Variants in COL5A2 observed in about 807,000 individuals in gnomAD.
The protein encoded by COL5A2 is collagen type V alpha 2 chain.
A neutral mutation model predicts 208.2 loss-of-function variants in COL5A2; 23 were observed. That is an observed-to-expected ratio of 0.11 (90% CI 0.08 to 0.16). COL5A2 has a LOEUF of 0.16. Among genes scored for constraint, COL5A2 ranks in the 10% least tolerant of loss-of-function variants. COL5A2 has a pLI of 1.00. For synonymous variants in COL5A2, 625 were observed against 628.5 expected, an observed-to-expected ratio of 0.99 and a Z score of 0.08; for missense variants, 1,590 against 1,956.4, an observed-to-expected ratio of 0.81 and a Z score of 3.53.
the COL5A2 span, among the ~76,000 whole-genome samples, chr2:189,269,341 C>T: frequency 6.6e-6 from 1 of 152,148 alleles, no homozygotes; most frequent in South Asian, 2.1e-4. Context: ...ATGCTTCCAG[C>T]TTTTGCCTAT....
chr2:189,438,669 C>A, the COL5A2 span, among the ~76,000 whole-genome samples: 1 of 152,032 alleles, frequency 6.6e-6, no homozygotes, highest in Admixed American at 6.6e-5. Flanking sequence ...GGGGATAGGT[C>A]TTGGGGAGGG....
chr2:189,058,578 G>T lies in COL5A2; in HGVS notation c.2131-51C>A, dbSNP rs368717968. ...AATCTCAATACTTGATCTAAAAATA[G>T]GTCAAAATGTTTCTGAGAAATGGCT... is the stretch of plus-strand genomic sequence containing the variant. On this transcript the variant is annotated intron_variant, in intron 32 of 53. Coordinates refer to ENST00000374866, the MANE Select transcript of COL5A2 (RefSeq NM_000393.5). The T allele has an allele frequency of 3.3e-6, 5 of 1,492,752 alleles. No individual in the cohort carries two copies. The African/African-American group carries it at 5.5e-5, about 16-fold the overall frequency. The allele number at this position is 1,492,752 out of a possible 1,614,324, so 92.5% of individuals were successfully genotyped here. A position where few individuals can be genotyped will look rare whatever the true frequency, so the allele number is the denominator to read the frequency against.
At chr2:189,251,532 A>G in the COL5A2 span, among the ~76,000 whole-genome samples, 228 of 152,106 alleles carry the variant, frequency 1.5e-3, 1 homozygote, top group East Asian at 0.019. Flanking sequence ...ATAGTTCTTT[A>G]TTGTCTACTT....
intron 1 of COL5A2, among the ~76,000 whole-genome samples, chr2:189,129,007 T>C (rs1389950365): frequency 1.3e-5 from 2 of 151,920 alleles, no homozygotes; most frequent in Non-Finnish European, 1.5e-5. Flanking sequence ...CAAATCTCCA[T>C]GGAAAAAAGT....
chr2:189,118,975 T>G (rs1360227973), intron 1 of COL5A2, among the ~76,000 whole-genome samples: 1 of 152,050 alleles, frequency 6.6e-6, no homozygotes, highest in Non-Finnish European at 1.5e-5. Flanking sequence ...TTTCAGAACC[T>G]AAATTCATCT....
At chr2:189,222,023 CT>C (rs985491749) in intron 1 of COL5A2, among the ~76,000 whole-genome samples, 1 of 150,450 alleles carries the variant, frequency 6.6e-6, no homozygotes, top group Admixed American at 6.6e-5. Flanking sequence ...GGCCTGAGGC[CT>C]CAAAAAAAAA....
At chr2:189,071,577 G>C (rs928001720) in intron 18 of COL5A2, among the ~76,000 whole-genome samples, 1 of 152,138 alleles carries the variant, frequency 6.6e-6, no homozygotes, top group Non-Finnish European at 1.5e-5. Flanking sequence ...TTGTGGAGCT[G>C]GGGGAGTGCA....
At chr2:189,140,281 TTTCCAGCAA>T (rs1359403671) in intron 1 of COL5A2, among the ~76,000 whole-genome samples, 1 of 152,144 alleles carries the variant, frequency 6.6e-6, no homozygotes, top group Non-Finnish European at 1.5e-5. Flanking sequence ...AAACTAATAT[TTTCCAGCAA>T]TTGTAAACAG....
At chr2:189,125,711 C>T (rs1457194879) in intron 1 of COL5A2, among the ~76,000 whole-genome samples, 3 of 152,014 alleles carry the variant, frequency 2.0e-5, no homozygotes, top group Non-Finnish European at 4.4e-5. Flanking sequence ...ACATGTTAAT[C>T]ATCTGTTTAT....
the COL5A2 span, among the ~76,000 whole-genome samples, chr2:189,436,348 C>T: frequency 6.6e-6 from 1 of 151,834 alleles, no homozygotes; most frequent in Admixed American, 6.6e-5. Flanking sequence ...GTGAACAGGC[C>T]ACCTACAGAA....
the COL5A2 span, among the ~76,000 whole-genome samples, chr2:189,348,045 GA>G: frequency 5.4e-5 from 8 of 148,034 alleles, no homozygotes; most frequent in African/African-American, 7.4e-5. Flanking sequence ...ATTTAGACCA[GA>G]AAAAAAAAAT....
the COL5A2 span, among the ~76,000 whole-genome samples, chr2:189,246,947 T>C: frequency 6.6e-6 from 1 of 152,290 alleles, no homozygotes; most frequent in East Asian, 1.9e-4. Context: ...ACACTATTGC[T>C]TCTACCCAAA....
At chr2:189,218,941 A>C (rs917806112) in intron 1 of COL5A2, among the ~76,000 whole-genome samples, 5 of 152,176 alleles carry the variant, frequency 3.3e-5, no homozygotes, top group African/African-American at 1.2e-4. Flanking sequence ...TAAAAACCGG[A>C]AGTTACTTCA....
At chr2:189,139,333 T>C (rs1025332471) in intron 1 of COL5A2, among the ~76,000 whole-genome samples, 1 of 152,160 alleles carries the variant, frequency 6.6e-6, no homozygotes, top group Non-Finnish European at 1.5e-5. Flanking sequence ...TAATTCATGT[T>C]GATAGTTGAG....
chr2:189,337,707 C>T, the COL5A2 span, among the ~76,000 whole-genome samples: 1 of 151,402 alleles, frequency 6.6e-6, no homozygotes, highest in African/African-American at 2.4e-5. Context: ...TCTAATATAT[C>T]AAAAACTTGA....
At chr2:189,146,569 G>C (rs1029627230) in intron 1 of COL5A2, among the ~76,000 whole-genome samples, 1 of 151,986 alleles carries the variant, frequency 6.6e-6, no homozygotes, top group African/African-American at 2.4e-5. Context: ...ATTAAGCCTA[G>C]CATTTGGCAA....
chr2:189,035,129 A>G lies in COL5A2; in HGVS notation c.4140T>C (p.Pro1380=). Residue 1380 remains proline (P), a synonymous_variant, in exon 53 of 54, where the codon CCT becomes CCC. Coordinates refer to ENST00000374866, the MANE Select transcript of COL5A2 (RefSeq NM_000393.5). ...SQFAYGDHQS[P]NTAITQMTFL... Reference sequence around the variant, plus strand: ...AAGTCATCTGAGTAATGGCTGTATTAGGTGATTGGTGGTCTCCATAAGCGA... The same window carrying G: ...AAGTCATCTGAGTAATGGCTGTATTGGGTGATTGGTGGTCTCCATAAGCGA... The G allele has an allele frequency of 6.2e-7, 1 of 1,613,912 alleles. No individual in the cohort carries two copies. Among genetic ancestry groups the G allele is most frequent in the East Asian group, 2.2e-5 (1 of 44,834 alleles).
chr2:189,107,242 T>C (rs1687168989), intron 2 of COL5A2, among the ~76,000 whole-genome samples: 1 of 151,598 alleles, frequency 6.6e-6, no homozygotes, highest in Non-Finnish European at 1.5e-5. Context: ...AATTTCTCTG[T>C]TTCTTCTAAG....
the COL5A2 span, among the ~76,000 whole-genome samples, chr2:189,380,045 T>C: frequency 6.6e-6 from 1 of 151,916 alleles, no homozygotes. Context: ...TTTATATATA[T>C]ATATATATCT....
Sources: allele counts gnomAD v4.1 joint callset (sites outside exome capture counted in the v4.1 genomes callset), GRCh38; gene constraint gnomAD v4.1.1; transcripts MANE v1.5; gene names NCBI Gene and HGNC (gene_info 2026-07-23, HGNC 2026-07-21).